WIPF3: variants seen among roughly 807,000 people sequenced by gnomAD.
The protein encoded by WIPF3 is WAS/WASL interacting protein family member 3.
In WIPF3, 33 loss-of-function variants were observed where a neutral mutation model predicts 38.9. That is an observed-to-expected ratio of 0.85 (90% CI 0.64 to 1.14). The LOEUF is 1.14. Among genes scored for constraint, WIPF3 ranks in the 50% most tolerant of loss-of-function variants. The pLI is 0.00. For missense variants in WIPF3, 711 were observed against 652.5 expected, an observed-to-expected ratio of 1.09 and a Z score of -0.98; for synonymous variants, 324 against 269.3, an observed-to-expected ratio of 1.20 and a Z score of -1.99.
intron 2 of WIPF3, among the ~76,000 whole-genome samples, chr7:29,852,728 C>T (rs1039185588): frequency 6.6e-6 from 1 of 152,184 alleles, no homozygotes; most frequent in Non-Finnish European, 1.5e-5. Flanking sequence ...TAGTTGCCCC[C>T]TACCCTGAAC....
In WIPF3 at chr7:29,823,484, A is replaced by G. The variant is rs1183962939; in HGVS notation, c.-57-11184A>G. On this transcript the variant is annotated intron_variant, in intron 1 of 8. Coordinates refer to ENST00000242140, the MANE Select transcript of WIPF3 (RefSeq NM_001080529.3). The surrounding 1 kb of genome is among the most constrained non-coding windows in gnomAD (Gnocchi z 4.0). ...TTTTTCTTTAATAATCATTAAGATG[A>G]TATCTCATTTCTAGATTCACATATA... 6.6e-6 allele frequency among the ~76,000 whole-genome samples: 1 copy of G among 152,220 alleles called. No individual in the cohort carries two copies. Among genetic ancestry groups the G allele is most frequent in the Non-Finnish European group, 1.5e-5 (1 of 68,038 alleles).
rs1340788564 is a variant in WIPF3, at chr7:29,888,846, C to T, written c.1250-460C>T. Among the ~76,000 whole-genome samples, 8 of 152,202 alleles carry T rather than the reference C, an allele frequency of 5.3e-5. No individual in the cohort carries two copies. The East Asian group carries it at 9.7e-4, about 18-fold the overall frequency. ...TGTGGAGCTCAGGTCCCACCCTAGA[C>T]ACAGGCCATGCTCCTCCATTCCCCA... is the stretch of plus-strand genomic sequence containing the variant. On this transcript the variant is annotated intron_variant, in intron 6 of 8. Transcript: ENST00000242140.
At chr7:29,912,909 G>A (rs1306318005) in intron 8 of WIPF3, among the ~76,000 whole-genome samples, 2 of 152,126 alleles carry the variant, frequency 1.3e-5, no homozygotes, top group African/African-American at 4.8e-5. Context: ...AGAGATTAGA[G>A]GGAAAAAGAA....
At chr7:29,900,139 T>C (rs1004512360) in intron 7 of WIPF3, among the ~76,000 whole-genome samples, 4 of 151,700 alleles carry the variant, frequency 2.6e-5, no homozygotes, top group Non-Finnish European at 4.4e-5. Context: ...AGTTTTGCCA[T>C]GTTGTTCAGG....
chr7:29,905,338 A>G (rs924874949), intron 8 of WIPF3: 4 of 152,250 alleles, frequency 2.6e-5, no homozygotes, highest in African/African-American at 9.6e-5. Flanking sequence ...GAATATACAC[A>G]ATATTGTTAA....
At chr7:29,836,438 T>C (rs1784799741) in intron 2 of WIPF3, among the ~76,000 whole-genome samples, 1 of 152,216 alleles carries the variant, frequency 6.6e-6, no homozygotes, top group Admixed American at 6.5e-5. Flanking sequence ...TGAACAGGTC[T>C]TTCTGGAGTG....
chr7:29,877,401 G>A (rs1290932550), intron 3 of WIPF3, among the ~76,000 whole-genome samples: 1 of 152,190 alleles, frequency 6.6e-6, no homozygotes, highest in South Asian at 2.1e-4. Flanking sequence ...ACACAGCATC[G>A]CAGGAGACTG....
At position 29,875,978 on chromosome 7, in the gene WIPF3, G is replaced by T. The variant is rs566846958; in HGVS notation, c.223+16G>T. The T allele has an allele frequency of 1.7e-5, 27 of 1,611,172 alleles. No individual in the cohort carries two copies. In the African/African-American group the frequency reaches 3.5e-4, roughly 21 times the overall value. Reference sequence around the variant, plus strand: ...CAGATCGAGAGTAAGTGAGCAGCCGGGCCAGGCCTCCTGTGAGCCAAAGAC... The same window carrying T: ...CAGATCGAGAGTAAGTGAGCAGCCGTGCCAGGCCTCCTGTGAGCCAAAGAC... On this transcript the variant is annotated intron_variant, in intron 3 of 8. Transcript: ENST00000242140.
At chr7:29,905,215 C>T (rs950537448) in intron 8 of WIPF3, 4 of 152,200 alleles carry the variant, frequency 2.6e-5, no homozygotes, top group African/African-American at 9.7e-5. Context: ...CCTTTTCTAA[C>T]CACAGCTGAT....
At chr7:29,827,780 T>C (rs1784646977) in intron 1 of WIPF3, among the ~76,000 whole-genome samples, 1 of 152,142 alleles carries the variant, frequency 6.6e-6, no homozygotes, top group East Asian at 1.9e-4. Context: ...AGATTCCTAG[T>C]CAAGTGTGTT....
chr7:29,831,377 G>A (rs1290771994), intron 1 of WIPF3, among the ~76,000 whole-genome samples: 2 of 152,178 alleles, frequency 1.3e-5, no homozygotes, highest in African/African-American at 4.8e-5. Context: ...CCTTTACTCA[G>A]TCTGCAGATT....
At chr7:29,828,994 C>T (rs1013990519) in intron 1 of WIPF3, among the ~76,000 whole-genome samples, 1 of 152,186 alleles carries the variant, frequency 6.6e-6, no homozygotes, top group Admixed American at 6.5e-5. Context: ...ACATGCAGAG[C>T]CTCCCAGGCT....
intron 7 of WIPF3, among the ~76,000 whole-genome samples, chr7:29,890,982 C>T (rs866246007): frequency 2.6e-4 from 19 of 74,074 alleles, no homozygotes; most frequent in African/African-American, 9.0e-4. Flanking sequence ...GTGGAGGGGG[C>T]GAGGGCCTGC....
chr7:29,889,463 C>T, intron 7 of WIPF3, 56 bp downstream of exon 7: 1 of 1,335,130 alleles, frequency 7.5e-7, no homozygotes, highest in Non-Finnish European at 1.1e-6. Flanking sequence ...AAATTAGGTG[C>T]CCACTGTGCA....
At chr7:29,861,285 T>C (rs916605392) in intron 2 of WIPF3, among the ~76,000 whole-genome samples, 2 of 151,988 alleles carry the variant, frequency 1.3e-5, no homozygotes, top group Non-Finnish European at 2.9e-5. Context: ...AGTGGAAGAG[T>C]TTATACTTTA....
Position 29,856,769 on chromosome 7 carries a change from T to G in WIPF3, c.91-19061T>G, listed in dbSNP as rs77072087. ...CGTCATTGAAAATGGGATGATACCCTTAGACAGAAGGTTGGTGGGGTAGAA... is the reference window on the plus strand; with the variant it reads ...CGTCATTGAAAATGGGATGATACCCGTAGACAGAAGGTTGGTGGGGTAGAA... On this transcript the variant is annotated intron_variant, in intron 2 of 8. Transcript: ENST00000242140. 5.7e-3 allele frequency among the ~76,000 whole-genome samples: 868 copies of G among 152,310 alleles called. 9 individuals are homozygous for G. The highest frequency in any genetic ancestry group is 0.02 in the African/African-American group (829 of 41,570).
At position 29,854,870 on chromosome 7, in the gene WIPF3, A is replaced by G. The variant is rs867854695; in HGVS notation, c.90+20056A>G. On this transcript the variant is annotated intron_variant, in intron 2 of 8. Transcript: ENST00000242140. ...TGCTTCACTTCCCATGTGAATACAC[A>G]GGGAAAAGACAGCCATCTACAAGCC... Among the ~76,000 whole-genome samples the G allele has an allele frequency of 3.9e-5, 6 of 152,366 alleles. No individual in the cohort carries two copies. The Middle Eastern group carries it at 0.017, about 432-fold the overall frequency.
intron 7 of WIPF3, among the ~76,000 whole-genome samples, chr7:29,903,748 C>T (rs1247026625): frequency 1.3e-5 from 2 of 152,026 alleles, no homozygotes; most frequent in Non-Finnish European, 2.9e-5. Context: ...GCCATGGTGA[C>T]TCTGGGATAG....
rs1182690614 is a variant in WIPF3 at position 29,813,923 on chromosome 7, A to AG, written c.-58+7245_-58+7246insG. ...CAATATGTGGCCTTTTTGGTAAGAGAATTTTTTTTTTTTTTGAGACAGGGT... is the reference window on the plus strand; with the variant it reads ...CAATATGTGGCCTTTTTGGTAAGAGAGATTTTTTTTTTTTTTGAGACAGGGT... On this transcript the variant is annotated intron_variant, in intron 1 of 8. Coordinates refer to ENST00000242140, the MANE Select transcript of WIPF3 (RefSeq NM_001080529.3). Among the ~76,000 whole-genome samples, 5 of 121,472 alleles carry AG rather than the reference A, an allele frequency of 4.1e-5. No homozygotes were observed. The South Asian group carries it at 1.1e-3, about 26-fold the overall frequency. 79.7% of individuals were successfully genotyped at this position (121,472 alleles called of 152,430 possible).
Sources: allele counts gnomAD v4.1 joint callset (sites outside exome capture counted in the v4.1 genomes callset), GRCh38; gene constraint gnomAD v4.1.1; non-coding constraint Gnocchi (gnomAD v3.1); transcripts MANE v1.5; gene names NCBI Gene and HGNC (gene_info 2026-07-23, HGNC 2026-07-21).